TRIM21: variants seen among roughly 807,000 people sequenced by gnomAD.
TRIM21 encodes the protein E3 ubiquitin-protein ligase TRIM21.
A neutral mutation model predicts 36.1 loss-of-function variants in TRIM21; 35 were observed. The observed-to-expected ratio is 0.97, with a 90% CI of 0.74 to 1.28. The LOEUF (loss-of-function observed/expected upper bound fraction) is 1.28, where lower values mean the gene tolerates loss of function less well. Among genes scored for constraint, TRIM21 ranks in the 50% most tolerant of loss-of-function variants. The pLI, the probability that TRIM21 is intolerant of heterozygous loss-of-function variation, is 0.00. For synonymous variants in TRIM21, 256 were observed against 211.5 expected (o/e 1.21, Z -1.83); for missense variants, 635 against 570.7 (o/e 1.11, Z -1.15).
chr11:4,391,767 A>G (rs953515464), intron 1 of TRIM21, among the ~76,000 whole-genome samples: 3 of 152,242 alleles, frequency 2.0e-5, no homozygotes, highest in Non-Finnish European at 4.4e-5. Flanking sequence ...AGATCCTGTC[A>G]TTCACAACAA....
intron 1 of TRIM21, among the ~76,000 whole-genome samples, chr11:4,391,918 C>T (rs1343515919): frequency 2.0e-5 from 3 of 151,476 alleles, no homozygotes; most frequent in Non-Finnish European, 4.4e-5. Flanking sequence ...AAGATGGTTA[C>T]CAGAGGCTGG....
intron 1 of TRIM21, among the ~76,000 whole-genome samples, chr11:4,393,341 C>T (rs1404574193): frequency 1.3e-5 from 2 of 152,012 alleles, no homozygotes; most frequent in Admixed American, 6.5e-5. Flanking sequence ...CCTTCCCCTT[C>T]TGGGTAACTC....
At position 4,390,041 on chromosome 11, in the gene TRIM21, G is replaced by A. The variant is rs373364363; in HGVS notation, c.369C>T (p.His123=). 403 of 1,613,966 alleles carry A rather than the reference G, an allele frequency of 2.5e-4. 4 individuals carry two copies. The highest frequency in any genetic ancestry group is 2.2e-3 in the South Asian group (197 of 91,080). Residue 123 remains histidine (H), a synonymous_variant, in exon 2 of 7, where the codon CAC becomes CAT. Coordinates refer to ENST00000254436, the MANE Select transcript of TRIM21 (RefSeq NM_003141.4). Reference sequence around the variant, plus strand: ...CAGCCTCCTCAAGAGGGACCATGGCGTGGTCACGGTGTTTCCGAGACTGGG... The same window carrying A: ...CAGCCTCCTCAAGAGGGACCATGGCATGGTCACGGTGTTTCCGAGACTGGG... The part of the protein sequence containing the change: ...VCAQSRKHRD[H]AMVPLEEAAQ...
intron 3 of TRIM21, among the ~76,000 whole-genome samples, chr11:4,388,995 C>T (rs561680225): frequency 5.3e-5 from 8 of 152,136 alleles, no homozygotes; most frequent in Admixed American, 3.3e-4. Context: ...TGCTTTTCCT[C>T]TCCTGTTAGT....
chr11:4,389,640 G>C lies in TRIM21; in HGVS notation c.504+14C>G. ...CCTTCCAGCCTAAGATCTCCTTCAG[G>C]ATGTCATTCTTACCTTCCAGTCTGC... On this transcript the variant is annotated intron_variant, in intron 3 of 6. Coordinates refer to ENST00000254436, the MANE Select transcript of TRIM21 (RefSeq NM_003141.4). 6.2e-7 allele frequency: 1 copy of C among 1,609,390 alleles called. No homozygotes were observed. Among genetic ancestry groups the C allele is most frequent in the Non-Finnish European group, 8.5e-7 (1 of 1,175,790 alleles).
At chr11:4,386,499 T>C (rs2094956458) in intron 5 of TRIM21, among the ~76,000 whole-genome samples, 1 of 152,230 alleles carries the variant, frequency 6.6e-6, no homozygotes, top group Admixed American at 6.5e-5. Flanking sequence ...TGTCTAAGCC[T>C]GAGGTCACCT....
At chr11:4,386,516 T>C (rs2094956479) in intron 5 of TRIM21, among the ~76,000 whole-genome samples, 1 of 152,184 alleles carries the variant, frequency 6.6e-6, no homozygotes, top group Non-Finnish European at 1.5e-5. Flanking sequence ...ACCTGGCAAA[T>C]GCATTCAATT....
chr11:4,388,266 C>T lies in TRIM21; in HGVS notation c.735+34G>A, dbSNP rs774196164. ...AGCTCTGGTCTTTTTCAGTTATTCC[C>T]TGAATTGTAGAAGGAAACCCCTCCC... is the stretch of plus-strand genomic sequence containing the variant. On this transcript the variant is annotated intron_variant, in intron 4 of 6. Transcript: ENST00000254436. 33 of 1,569,028 alleles carry T rather than the reference C, an allele frequency of 2.1e-5. No homozygotes were observed. The South Asian group carries it at 3.4e-4, about 16-fold the overall frequency.
chr11:4,391,766 C>T (rs1317588055), intron 1 of TRIM21, among the ~76,000 whole-genome samples: 1 of 152,202 alleles, frequency 6.6e-6, no homozygotes. Flanking sequence ...GAGATCCTGT[C>T]ATTCACAACA....
intron 4 of TRIM21, among the ~76,000 whole-genome samples, chr11:4,387,629 G>A (rs2094957933): frequency 6.6e-6 from 1 of 152,146 alleles, no homozygotes; most frequent in Non-Finnish European, 1.5e-5. Context: ...GCTGAGGGGG[G>A]CAGATCACCT....
chr11:4,388,760 C>T (rs2094959451), intron 3 of TRIM21, among the ~76,000 whole-genome samples: 1 of 152,102 alleles, frequency 6.6e-6, no homozygotes, highest in Non-Finnish European at 1.5e-5. Context: ...TTGGTGAGGG[C>T]ACACTGTAGC....
At position 4,388,364 on chromosome 11, in the gene TRIM21, G is replaced by T. The variant is rs760380325; in HGVS notation, c.671C>A (p.Ala224Asp). The change falls in exon 4 of 7, where the codon GCC becomes GAC. Residue 224 changes from alanine (A) to aspartate (D), a missense_variant. By Grantham distance (126) the Ala-to-Asp change is moderately radical. Coordinates refer to ENST00000254436, the MANE Select transcript of TRIM21 (RefSeq NM_003141.4). Reference protein sequence around the residue: ...KEAKLAQQSQALQELISELDR... With the variant: ...KEAKLAQQSQDLQELISELDR... ...TAGCTCTGAGATGAGCTCCTGTAGG[G>T]CCTGGCTCTGCTGGGCCAGCTTGGC... The T allele has an allele frequency of 1.2e-6, 2 of 1,613,934 alleles. No homozygotes were observed. The highest frequency in any genetic ancestry group is 1.7e-6 in the Non-Finnish European group (2 of 1,179,886).
chr11:4,393,207 T>C (rs1315089297), intron 1 of TRIM21, among the ~76,000 whole-genome samples: 1 of 152,118 alleles, frequency 6.6e-6, no homozygotes, highest in Non-Finnish European at 1.5e-5. Context: ...CCTGGGAGTC[T>C]CCAGAATTGC....
At chr11:4,385,961 C>A (rs946518162) in intron 6 of TRIM21, 108 bp from the exon 7 acceptor site, 11 of 1,220,398 alleles carry the variant, frequency 9.0e-6, no homozygotes, top group Non-Finnish European at 1.2e-5. Flanking sequence ...GAGGGGTGAA[C>A]CTCCCTGTGT....
chr11:4,391,774 A>G (rs1025929163), intron 1 of TRIM21, among the ~76,000 whole-genome samples: 7 of 152,224 alleles, frequency 4.6e-5, no homozygotes, highest in Non-Finnish European at 1.0e-4. Flanking sequence ...GTCATTCACA[A>G]CAACATGAAT....
intron 5 of TRIM21, 117 bp downstream of exon 5, chr11:4,386,851 G>A (rs2094956769): frequency 1.9e-6 from 2 of 1,071,128 alleles, no homozygotes; most frequent in Admixed American, 2.7e-5. Context: ...AAGTTTTTGA[G>A]AATAGGAAGC....
At chr11:4,388,193 A>G in intron 4 of TRIM21, 107 bp downstream of exon 4, 1 of 978,128 alleles carries the variant, frequency 1.0e-6, no homozygotes, top group Non-Finnish European at 1.5e-6. Flanking sequence ...TTCATTTAAG[A>G]ACATTCCAGG....
Position 4,385,696 on chromosome 11 carries a change from A to C in TRIM21, c.1017T>G (p.Ser339=). ...CATCTACCTCCCAGTAATGTTTTCC[A>C]GAGTGAAAGTGCTGGGCACCCAGGA... ...PMVLGAQHFH[S]GKHYWEVDVT... Residue 339 remains serine (S), a synonymous_variant, in exon 7 of 7, where the codon TCT becomes TCG. Coordinates refer to ENST00000254436, the MANE Select transcript of TRIM21 (RefSeq NM_003141.4). 6.2e-7 allele frequency: 1 copy of C among 1,613,304 alleles called. No homozygotes were observed. Among genetic ancestry groups the C allele is most frequent in the Non-Finnish European group, 8.5e-7 (1 of 1,179,590 alleles).
In TRIM21 at chr11:4,392,267, A is replaced by T. The variant is rs533354931; in HGVS notation, c.-50+1366T>A. 2.2e-4 allele frequency among the ~76,000 whole-genome samples: 34 copies of T among 152,292 alleles called. No individual in the cohort carries two copies. In the South Asian group the frequency reaches 6.2e-3, roughly 28 times the overall value. ...AAAATGATGCAAAGGAAAATAAAAAATAAGAATAAAAATAATGGGTCAGGC... is the reference window on the plus strand; with the variant it reads ...AAAATGATGCAAAGGAAAATAAAAATTAAGAATAAAAATAATGGGTCAGGC... On this transcript the variant is annotated intron_variant, in intron 1 of 6. Transcript: ENST00000254436.
Sources: allele counts gnomAD v4.1 joint callset (sites outside exome capture counted in the v4.1 genomes callset), GRCh38; gene constraint gnomAD v4.1.1; transcripts MANE v1.5; gene names NCBI Gene and HGNC (gene_info 2026-07-23, HGNC 2026-07-21).